OSBPL2: variants seen among roughly 807,000 people sequenced by gnomAD.
The protein encoded by OSBPL2 is oxysterol binding protein like 2, also known as oxysterol-binding protein-related protein 2.
Under a neutral mutation model 58.4 loss-of-function variants are expected in OSBPL2, and 18 were observed. That is an observed-to-expected ratio of 0.31 (90% confidence interval 0.21 to 0.46). The LOEUF (loss-of-function observed/expected upper bound fraction) is 0.46, where lower values mean the gene tolerates loss of function less well. Among genes scored for constraint, OSBPL2 ranks in the 20% least tolerant of loss-of-function variants. The probability of loss-of-function intolerance (pLI) is 1.00; values close to 1 mark genes in which losing one functional copy is unlikely to be tolerated. For synonymous variants in OSBPL2, 221 were observed against 234.1 expected, an observed-to-expected ratio of 0.94 and a Z score of 0.51; for missense variants, 461 against 616.5, an observed-to-expected ratio of 0.75 and a Z score of 2.67.
Position 62,273,438 on chromosome 20 carries a change from T to G in OSBPL2, c.491+32T>G. On this transcript the variant is annotated intron_variant, in intron 6 of 13. Transcript: ENST00000313733. ...GGGGAAAGGCCCATCATAAATATCTTGTAAATGGAATTCCTTGGATGACAG... is the reference window on the plus strand; with the variant it reads ...GGGGAAAGGCCCATCATAAATATCTGGTAAATGGAATTCCTTGGATGACAG... 4 of 1,461,870 alleles carry G rather than the reference T, an allele frequency of 2.7e-6. No individual in the cohort carries two copies. In the South Asian group the frequency reaches 4.7e-5, roughly 17 times the overall value. 90.6% of individuals were successfully genotyped at this position (1,461,870 alleles called of 1,614,324 possible).
chr20:62,290,807 C>T (rs1983459833), intron 12 of OSBPL2, among the ~76,000 whole-genome samples: 2 of 147,212 alleles, frequency 1.4e-5, no homozygotes, highest in South Asian at 2.2e-4. Context: ...GGCGTGATCT[C>T]GGCTCACTGC....
At position 62,259,774 on chromosome 20, in the gene OSBPL2, C is replaced by T. The variant is rs1028066133; in HGVS notation, c.38-207C>T. Among the ~76,000 whole-genome samples the T allele has an allele frequency of 1.8e-3, 280 of 152,164 alleles. 3 individuals carry two copies. The highest frequency in any genetic ancestry group is 3.0e-3 in the Non-Finnish European group (203 of 67,992). On this transcript the variant is annotated intron_variant, in intron 2 of 13. Coordinates refer to ENST00000313733, the MANE Select transcript of OSBPL2 (RefSeq NM_144498.4). ...TGGGCACTGGAGCTCGCTGGGAGCG[C>T]GTTCTTAGGAGGGAAGCTCCGTGGC... is the stretch of plus-strand genomic sequence containing the variant.
intron 1 of OSBPL2, among the ~76,000 whole-genome samples, chr20:62,248,534 G>A (rs1219955614): frequency 6.6e-6 from 1 of 152,182 alleles, no homozygotes; most frequent in Admixed American, 6.5e-5. Flanking sequence ...CACTCTCTGT[G>A]TCCAGCATGT....
In OSBPL2 at chr20:62,269,740, T is replaced by C. The variant is rs1981927738; in HGVS notation, c.259-2385T>C. On this transcript the variant is annotated intron_variant, in intron 4 of 13. Transcript: ENST00000313733. This position sits in a 1 kb window ranked among gnomAD's most constrained non-coding sequence, Gnocchi z 4.2. ...CTTTTCTGCTCATTCTTTCGGGGCT[T>C]CCTTCTTTCTCTGCCACGTGTTCTT... Among the ~76,000 whole-genome samples the C allele has an allele frequency of 6.6e-6, 1 of 152,230 alleles. No individual in the cohort carries two copies. Among genetic ancestry groups the C allele is most frequent in the East Asian group, 1.9e-4 (1 of 5,208 alleles).
intron 1 of OSBPL2, among the ~76,000 whole-genome samples, chr20:62,245,842 A>G (rs537416449): frequency 2.4e-4 from 36 of 152,364 alleles, no homozygotes; most frequent in African/African-American, 7.9e-4. Context: ...CTAAATTTAT[A>G]CAAAATCTGT....
At chr20:62,272,699 G>C (rs745568496) in intron 5 of OSBPL2, among the ~76,000 whole-genome samples, 1 of 152,210 alleles carries the variant, frequency 6.6e-6, no homozygotes, top group East Asian at 1.9e-4. Context: ...GTTGAGACCA[G>C]CTGAGGCAAC....
chr20:62,265,159 T>G (rs150512385), intron 4 of OSBPL2, among the ~76,000 whole-genome samples: 32 of 152,318 alleles, frequency 2.1e-4, no homozygotes, highest in African/African-American at 7.5e-4. Context: ...AGATTTTCCA[T>G]TCTCGTTCGT....
intron 2 of OSBPL2, among the ~76,000 whole-genome samples, chr20:62,258,276 T>C (rs190922835): frequency 9.8e-5 from 15 of 152,354 alleles, no homozygotes; most frequent in African/African-American, 3.1e-4. Flanking sequence ...CATCTCTTTA[T>C]GCGATGAAAT....
In OSBPL2 at chr20:62,294,897, G is replaced by T. The variant is rs1405576965; in HGVS notation, c.*1010G>T. Reference sequence around the variant, plus strand: ...AAGTTATTTAACCAAAAATAGGTATGTGTCCATCTCAGCATTCACCTTTAT... The same window carrying T: ...AAGTTATTTAACCAAAAATAGGTATTTGTCCATCTCAGCATTCACCTTTAT... On this transcript the variant is annotated 3_prime_UTR_variant, in exon 14 of 14. Coordinates refer to ENST00000313733, the MANE Select transcript of OSBPL2 (RefSeq NM_144498.4). The T allele has an allele frequency of 6.6e-6, 1 of 151,360 alleles. No individual in the cohort carries two copies. Among genetic ancestry groups the T allele is most frequent in the African/African-American group, 2.4e-5 (1 of 41,148 alleles). 9.4% of individuals were successfully genotyped at this position (151,360 alleles called of 1,614,324 possible).
At chr20:62,278,979 CCAA>C (rs1199513515) in intron 6 of OSBPL2, 175 bp from the exon 7 acceptor site, 1 of 576,028 alleles carries the variant, frequency 1.7e-6, no homozygotes, top group Non-Finnish European at 3.1e-6. Context: ...GTGTCTGTTG[CCAA>C]CGTTAGGCCA....
At chr20:62,286,542 C>G (rs1983134280) in intron 10 of OSBPL2, 41 bp from the exon 11 acceptor site, 9 of 1,585,346 alleles carry the variant, frequency 5.7e-6, no homozygotes, top group Non-Finnish European at 7.8e-6. Context: ...CCAAGAGCGG[C>G]CTGGCCCCGG....
intron 1 of OSBPL2, among the ~76,000 whole-genome samples, chr20:62,247,720 G>A (rs6089337): frequency 0.4 from 59,813 of 150,066 alleles, 12,773 homozygotes; most frequent in East Asian, 0.52. Context: ...AGGCTGGAGT[G>A]CAGTGGTGCA....
intron 2 of OSBPL2, among the ~76,000 whole-genome samples, chr20:62,259,583 CCT>C (rs1277676546): frequency 6.6e-6 from 1 of 152,194 alleles, no homozygotes; most frequent in Non-Finnish European, 1.5e-5. Context: ...GGTCACAAGC[CCT>C]GAGCCACAAC....
At chr20:62,263,570 G>T in intron 3 of OSBPL2, 46 bp from the exon 4 acceptor site, 1 of 1,442,874 alleles carries the variant, frequency 6.9e-7, no homozygotes, top group Non-Finnish European at 9.8e-7. Context: ...AGTGGTCAGA[G>T]TCCTGTGTTG....
At chr20:62,279,876 G>T in intron 7 of OSBPL2, 1 of 1,124,690 alleles carries the variant, frequency 8.9e-7, no homozygotes, top group Non-Finnish European at 1.2e-6. Context: ...GTGGCCCTTT[G>T]CACACTCCCC....
chr20:62,246,083 C>T lies in OSBPL2; in HGVS notation c.-129+7486C>T, dbSNP rs919117800. Reference sequence around the variant, plus strand: ...GCCGGCTGCCATTCCCGCGTCTCCTCGCAGAGGCCTGGACCTGCGCCTGGG... The same window carrying T: ...GCCGGCTGCCATTCCCGCGTCTCCTTGCAGAGGCCTGGACCTGCGCCTGGG... On this transcript the variant is annotated intron_variant, in intron 1 of 13. Coordinates refer to ENST00000313733, the MANE Select transcript of OSBPL2 (RefSeq NM_144498.4). Among the ~76,000 whole-genome samples the T allele has an allele frequency of 4.6e-5, 7 of 152,354 alleles. No homozygotes were observed. The South Asian group carries it at 1.2e-3, about 27-fold the overall frequency.
chr20:62,260,223 A>C (rs1485077992), intron 3 of OSBPL2, 98 bp downstream of exon 3: 1 of 1,178,514 alleles, frequency 8.5e-7, no homozygotes, highest in East Asian at 2.4e-5. Context: ...ATTGAGCTGG[A>C]GTGGCACCCC....
Position 62,279,359 on chromosome 20 carries a change from G to A in OSBPL2, c.674+20G>A. ...GCTCAAGTGAGTGTCGGTGCGTCCT[G>A]CTGAGATCCGCTTCCTGCAGAAACT... On this transcript the variant is annotated intron_variant, in intron 7 of 13. Coordinates refer to ENST00000313733, the MANE Select transcript of OSBPL2 (RefSeq NM_144498.4). 1.2e-6 allele frequency: 2 copies of A among 1,609,838 alleles called. No individual in the cohort carries two copies. Among genetic ancestry groups the A allele is most frequent in the Non-Finnish European group, 8.5e-7 (1 of 1,177,108 alleles).
At position 62,259,960 on chromosome 20, in the gene OSBPL2, C is replaced by T. The variant is rs752076432; in HGVS notation, c.38-21C>T. The T allele has an allele frequency of 3.7e-6, 6 of 1,604,696 alleles. No individual in the cohort carries two copies. The South Asian group carries it at 6.7e-5, about 18-fold the overall frequency. ...AATCTTTCAGGTCCAGCGAAAATGA[C>T]CATTTTCTTGTCTCGCACAGGCTTT... is the stretch of plus-strand genomic sequence containing the variant. On this transcript the variant is annotated intron_variant, in intron 2 of 13. Transcript: ENST00000313733.
Sources: allele counts gnomAD v4.1 joint callset (sites outside exome capture counted in the v4.1 genomes callset), GRCh38; gene constraint gnomAD v4.1.1; non-coding constraint Gnocchi (gnomAD v3.1); transcripts MANE v1.5; gene names NCBI Gene and HGNC (gene_info 2026-07-23, HGNC 2026-07-21).